The following RNF128 variants were observed in gnomAD, a reference collection of about 807,000 sequenced individuals.
RNF128 encodes the protein ring finger protein 128, also known as E3 ubiquitin-protein ligase RNF128.
RNF128 carries 13 observed loss-of-function variants against 26.2 expected under a neutral mutation model. The ratio of observed to expected loss-of-function variants is 0.50; its 90% CI spans 0.32 to 0.79. RNF128 has a LOEUF of 0.79. RNF128 is among the 30% of genes least tolerant of loss of function. The pLI, the probability that RNF128 is intolerant of heterozygous loss-of-function variation, is 0.03. For missense variants in RNF128, 315 were observed against 349.7 expected (o/e 0.90, Z 0.79); for synonymous variants, 149 against 142.5 (o/e 1.05, Z -0.32).
upstream of RNF128, among the ~76,000 whole-genome samples, chrX:106,723,334 C>T (rs1338751003): frequency 2.7e-5 from 3 of 110,931 alleles, no homozygotes; most frequent in African/African-American, 3.3e-5. Context: ...TTTGGGAGGC[C>T]GAGGTGGGCA....
intron 1 of RNF128, among the ~76,000 whole-genome samples, chrX:106,741,444 G>A (rs1929700690): frequency 8.9e-6 from 1 of 111,854 alleles, no homozygotes; most frequent in Admixed American, 9.5e-5. Flanking sequence ...GTTGGAAGGG[G>A]ATTATTTGTC....
intron 4 of RNF128, among the ~76,000 whole-genome samples, chrX:106,788,357 C>T (rs59737530): frequency 0.028 from 960 of 33,989 alleles, 45 homozygotes; most frequent in African/African-American, 0.13. Flanking sequence ...ATATTATATA[C>T]TATATATAAT....
chrX:106,705,485 C>T (rs1473180411), intron 1 of RNF128, among the ~76,000 whole-genome samples: 1 of 111,784 alleles, frequency 8.9e-6, no homozygotes, highest in Non-Finnish European at 1.9e-5. Context: ...GAATTAAATC[C>T]AATCAACATT....
intron 1 of RNF128, among the ~76,000 whole-genome samples, chrX:106,751,380 G>A (rs190645209): frequency 4.5e-5 from 5 of 110,853 alleles, no homozygotes; most frequent in Non-Finnish European, 7.6e-5. Context: ...CATGGAGGGA[G>A]CATTTAGACC....
At chrX:106,787,691 C>G (rs932728181) in intron 3 of RNF128, among the ~76,000 whole-genome samples, 2 of 110,870 alleles carry the variant, frequency 1.8e-5, no homozygotes, top group African/African-American at 6.5e-5. Context: ...ACATGTTTCC[C>G]TTTGTTCTGT....
intron 3 of RNF128, among the ~76,000 whole-genome samples, chrX:106,787,710 T>C (rs754431286): frequency 1.8e-5 from 2 of 111,364 alleles, no homozygotes; most frequent in South Asian, 7.5e-4. Flanking sequence ...GTTCCCCTTT[T>C]GTTTCAGTTT....
chrX:106,742,939 G>A (rs1199802565), intron 1 of RNF128, among the ~76,000 whole-genome samples: 5 of 111,064 alleles, frequency 4.5e-5, no homozygotes, highest in Non-Finnish European at 9.4e-5. Flanking sequence ...ATATACATGT[G>A]TATATATACA....
At chrX:106,694,926 C>A (rs1569433278) in intron 1 of RNF128, among the ~76,000 whole-genome samples, 1 of 111,172 alleles carries the variant, frequency 9.0e-6, no homozygotes, top group Non-Finnish European at 1.9e-5. Flanking sequence ...GGGACTGATA[C>A]AAACGAATCT....
chrX:106,760,598 T>G (rs1295311848), intron 1 of RNF128, among the ~76,000 whole-genome samples: 1 of 111,851 alleles, frequency 8.9e-6, no homozygotes, highest in Non-Finnish European at 1.9e-5. Context: ...TTAAAAATGT[T>G]AGAAATACAA....
rs184284428 is a variant in RNF128, at chrX:106,736,755, G to T, written c.484+9358G>T. Among the ~76,000 whole-genome samples the T allele has an allele frequency of 1.8e-3, 198 of 111,837 alleles. 1 individual carries two copies. The highest frequency in any genetic ancestry group is 6.1e-3 in the African/African-American group (189 of 30,883). ...TTCTGAAAAGTTTTATTACAAATAT[G>T]GGTTAAATAATAATTTATATTTGCT... On this transcript the variant is annotated intron_variant, in intron 1 of 6. Coordinates refer to ENST00000255499, the MANE Select transcript of RNF128 (RefSeq NM_194463.2).
At chrX:106,784,996 C>T in intron 2 of RNF128, 69 bp from the exon 3 acceptor site, 1 of 760,328 alleles carries the variant, frequency 1.3e-6, no homozygotes, top group East Asian at 3.3e-5. Flanking sequence ...TATTGATCCT[C>T]TCTATCTTTT....
chrX:106,793,788 T>C (rs1930868564), intron 6 of RNF128, among the ~76,000 whole-genome samples: 1 of 111,263 alleles, frequency 9.0e-6, no homozygotes, highest in South Asian at 3.8e-4. Flanking sequence ...ACAGAAGTGA[T>C]GTTGTGCCCC....
At chrX:106,694,028 T>G (rs1490995870) in exon 1 of RNF128, 2 of 1,197,096 alleles carry the variant, frequency 1.7e-6, no homozygotes, top group African/African-American at 3.5e-5. Context: ...AGGTCCAGTT[T>G]TTTTTGGCTC....
chrX:106,717,326 G>A (rs1185415728), intron 1 of RNF128, among the ~76,000 whole-genome samples: 2 of 112,010 alleles, frequency 1.8e-5, no homozygotes, highest in Non-Finnish European at 3.8e-5. Flanking sequence ...TTGGAATAGG[G>A]AAGAGACTAA....
chrX:106,796,375 C>CA lies in RNF128; in HGVS notation c.*668dup, dbSNP rs1930917695. ...GACATCAACTTGACACAAGATTAGA[C>CA]AAAAAATTCCTTACAAAAATACTGT... On this transcript the variant is annotated 3_prime_UTR_variant, in exon 7 of 7. Coordinates refer to ENST00000255499, the MANE Select transcript of RNF128 (RefSeq NM_194463.2). The CA allele has an allele frequency of 9.0e-6, 1 of 111,715 alleles. No homozygotes were observed. Among genetic ancestry groups the CA allele is most frequent in the African/African-American group, 3.3e-5 (1 of 30,726 alleles). 9.2% of individuals were successfully genotyped at this position (111,715 alleles called of 1,213,427 possible).
In RNF128 at chrX:106,736,525, A is replaced by G. The variant is rs375128768; in HGVS notation, c.484+9128A>G. 2.1e-3 allele frequency among the ~76,000 whole-genome samples: 233 copies of G among 111,025 alleles called. 2 individuals are homozygous for G. The highest frequency in any genetic ancestry group is 7.3e-3 in the African/African-American group (222 of 30,590). ...CTTCTATGTGATTCCACTTCTTTTG[A>G]TGTAGTAGTAAACATTATAGCAAAC... is the stretch of plus-strand genomic sequence containing the variant. On this transcript the variant is annotated intron_variant, in intron 1 of 6. Transcript: ENST00000255499.
chrX:106,695,408 C>CT (rs1197014103), intron 1 of RNF128, among the ~76,000 whole-genome samples: 1 of 111,597 alleles, frequency 9.0e-6, no homozygotes, highest in Non-Finnish European at 1.9e-5. Context: ...TAGTATGGTG[C>CT]TTGGAATGTT....
intron 1 of RNF128, among the ~76,000 whole-genome samples, chrX:106,699,835 G>A (rs1928928446): frequency 2.7e-5 from 3 of 110,551 alleles, no homozygotes; most frequent in South Asian, 3.8e-4. Context: ...CTTTTTACTT[G>A]CTTTGCTCTC....
intron 1 of RNF128, among the ~76,000 whole-genome samples, chrX:106,695,962 C>T (rs1002308217): frequency 9.0e-6 from 1 of 111,307 alleles, no homozygotes. Context: ...GAAATATTTA[C>T]CAAAGATCAC....
Sources: allele counts gnomAD v4.1 joint callset (sites outside exome capture counted in the v4.1 genomes callset), GRCh38; gene constraint gnomAD v4.1.1; transcripts MANE v1.5; gene names NCBI Gene and HGNC (gene_info 2026-07-23, HGNC 2026-07-21).